MEGF11: variants seen among roughly 807,000 people sequenced by gnomAD.
The protein encoded by MEGF11 is multiple epidermal growth factor-like domains protein 11.
In MEGF11, 126 loss-of-function variants were observed where a neutral mutation model predicts 146.6. The observed-to-expected ratio is 0.86, with a 90% CI of 0.74 to 1.00. The LOEUF (loss-of-function observed/expected upper bound fraction) is 1.00. Ranked by LOEUF, MEGF11 falls within the 50% of genes least tolerant of loss-of-function variation. The pLI is 0.00. For missense variants in MEGF11, 1,509 were observed against 1,521.2 expected (o/e 0.99, Z 0.13); for synonymous variants, 532 against 583.4 (o/e 0.91, Z 1.27).
intron 1 of MEGF11, among the ~76,000 whole-genome samples, chr15:66,228,307 C>G (rs1168422274): frequency 5.9e-5 from 9 of 152,068 alleles, no homozygotes; most frequent in Non-Finnish European, 8.8e-5. Context: ...CAGGGGCTTA[C>G]GAAGCCTTGT....
At chr15:66,130,836 A>C (rs987694738) in intron 1 of MEGF11, among the ~76,000 whole-genome samples, 4 of 152,146 alleles carry the variant, frequency 2.6e-5, no homozygotes, top group African/African-American at 7.2e-5. Context: ...ACTCATCCCC[A>C]TTAACTTTAA....
At chr15:65,930,566 CGT>C (rs759690251) in intron 11 of MEGF11, among the ~76,000 whole-genome samples, 34 of 152,212 alleles carry the variant, frequency 2.2e-4, no homozygotes, top group Non-Finnish European at 4.3e-4. Context: ...CAGGTGTTAA[CGT>C]GTCTCGGTTG....
chr15:66,114,351 C>CA (rs1199761713), intron 4 of MEGF11, among the ~76,000 whole-genome samples: 1 of 152,208 alleles, frequency 6.6e-6, no homozygotes, highest in Admixed American at 6.5e-5. Context: ...TGACAAGGAG[C>CA]AGGCCTTAGC....
chr15:66,023,856 T>C (rs926071749), intron 5 of MEGF11, among the ~76,000 whole-genome samples: 4 of 152,138 alleles, frequency 2.6e-5, no homozygotes, highest in African/African-American at 9.7e-5. Context: ...CGAGAAAGAC[T>C]TGAGGCTAGA....
At chr15:66,166,740 G>A (rs769806306) in intron 1 of MEGF11, among the ~76,000 whole-genome samples, 3 of 151,768 alleles carry the variant, frequency 2.0e-5, no homozygotes, top group Non-Finnish European at 4.4e-5. Flanking sequence ...GGCTGGCTCC[G>A]CCTTGTCATT....
chr15:65,896,851 T>C lies in MEGF11; in HGVS notation c.*1083A>G, dbSNP rs760886553. The C allele has an allele frequency of 8.5e-5, 13 of 152,234 alleles. No individual in the cohort carries two copies. The highest frequency in any genetic ancestry group is 1.9e-4 in the Non-Finnish European group (13 of 68,038). 9.4% of individuals were successfully genotyped at this position (152,234 alleles called of 1,614,324 possible). On this transcript the variant is annotated 3_prime_UTR_variant, in exon 26 of 26. Transcript: ENST00000395614. ...CGTTACAGCAACTGGTTACAGTCCA[T>C]TCTTTTTTTGATCATTTAGTTCCAT...
intron 9 of MEGF11, among the ~76,000 whole-genome samples, chr15:65,963,318 AC>A (rs2080934516): frequency 1.3e-5 from 2 of 152,120 alleles, no homozygotes; most frequent in Non-Finnish European, 2.9e-5. Flanking sequence ...CCCAGATGCC[AC>A]CTCTTCTAGG....
chr15:65,916,946 G>T lies in MEGF11; in HGVS notation c.2097C>A (p.Pro699=), dbSNP rs752887236. ...IGKDCSQACP[P]GFWGPACFHA... ...GGAAGCAGGCGGGGCCCCAGAACCCGGGTGGGCAAGCTGGGATGTCGGTGA... is the reference window on the plus strand; with the variant it reads ...GGAAGCAGGCGGGGCCCCAGAACCCTGGTGGGCAAGCTGGGATGTCGGTGA... Residue 699 remains proline (P), a synonymous_variant, in exon 17 of 26, where the codon CCC becomes CCA. Transcript: ENST00000395614. 133 of 1,516,446 alleles carry T rather than the reference G, an allele frequency of 8.8e-5. No individual in the cohort carries two copies. The highest frequency in any genetic ancestry group is 1.2e-4 in the Non-Finnish European group (130 of 1,128,794). The allele number at this position is 1,516,446 out of a possible 1,614,324, so 93.9% of individuals were successfully genotyped here. A position where few individuals can be genotyped will look rare whatever the true frequency, so the allele number is the denominator to read the frequency against.
At chr15:66,183,368 C>T (rs1350595431) in intron 1 of MEGF11, among the ~76,000 whole-genome samples, 1 of 151,968 alleles carries the variant, frequency 6.6e-6, no homozygotes, top group African/African-American at 2.4e-5. Flanking sequence ...AGAATGGTGG[C>T]TCACGGCTGT....
intron 9 of MEGF11, among the ~76,000 whole-genome samples, chr15:65,962,931 A>G (rs896184541): frequency 6.6e-6 from 1 of 152,202 alleles, no homozygotes; most frequent in Non-Finnish European, 1.5e-5. Context: ...ATAATCATCA[A>G]TATTGGATGG....
At chr15:65,947,865 C>A (rs1393792559) in intron 10 of MEGF11, among the ~76,000 whole-genome samples, 1 of 152,162 alleles carries the variant, frequency 6.6e-6, no homozygotes, top group African/African-American at 2.4e-5. Context: ...AAGCCCCAGC[C>A]CAGACCCCAG....
chr15:66,130,057 CCA>C (rs2088572463), intron 1 of MEGF11, among the ~76,000 whole-genome samples: 1 of 152,168 alleles, frequency 6.6e-6, no homozygotes, highest in Non-Finnish European at 1.5e-5. Flanking sequence ...TCCTCCATCC[CCA>C]GAGACCCAAT....
intron 1 of MEGF11, among the ~76,000 whole-genome samples, chr15:66,132,714 A>T (rs923395598): frequency 6.6e-6 from 1 of 152,178 alleles, no homozygotes; most frequent in Non-Finnish European, 1.5e-5. Flanking sequence ...GGGACAACAC[A>T]GGTGCCATGT....
At chr15:65,927,821 G>A (rs183461247) in intron 13 of MEGF11, among the ~76,000 whole-genome samples, 28 of 152,326 alleles carry the variant, frequency 1.8e-4, no homozygotes, top group African/African-American at 6.7e-4. Context: ...AGATCCCGTG[G>A]GCCCTGGGCC....
chr15:65,993,328 A>G (rs892221504), intron 5 of MEGF11, among the ~76,000 whole-genome samples: 3 of 152,134 alleles, frequency 2.0e-5, no homozygotes, highest in Non-Finnish European at 4.4e-5. Flanking sequence ...CCAGAAAGCT[A>G]TCTGTCCTTA....
At chr15:66,218,281 G>C (rs2091637802) in intron 1 of MEGF11, among the ~76,000 whole-genome samples, 1 of 152,168 alleles carries the variant, frequency 6.6e-6, no homozygotes. Flanking sequence ...AAGACACTTG[G>C]TTGAATTAAG....
chr15:65,919,662 G>A (rs377244612), intron 15 of MEGF11, among the ~76,000 whole-genome samples: 2 of 152,148 alleles, frequency 1.3e-5, no homozygotes, highest in East Asian at 1.9e-4. Context: ...ACAGAGTCTC[G>A]CTACGTTGCC....
intron 1 of MEGF11, among the ~76,000 whole-genome samples, chr15:66,186,678 C>G (rs1377539431): frequency 6.6e-6 from 1 of 152,202 alleles, no homozygotes; most frequent in African/African-American, 2.4e-5. Flanking sequence ...GAGCCTCCAC[C>G]CACTCACCCC....
chr15:65,915,410 C>T (rs1269747682), intron 19 of MEGF11, 60 bp downstream of exon 19: 26 of 1,592,024 alleles, frequency 1.6e-5, no homozygotes, highest in Non-Finnish European at 2.0e-5. Flanking sequence ...GTTGGAATCT[C>T]CCTAGAGCTG....
Sources: gnomAD v4.1 joint callset for allele counts (sites outside exome capture counted in the v4.1 genomes callset) on GRCh38, gnomAD v4.1.1 for gene constraint, MANE v1.5 for transcripts, NCBI Gene and HGNC (gene_info 2026-07-23, HGNC 2026-07-21) for gene names.